Variants in TBX18 observed in about 807,000 individuals in gnomAD.
The protein encoded by TBX18 is T-box transcription factor TBX18.
A neutral mutation model predicts 55.0 loss-of-function variants in TBX18; 21 were observed. That is an observed-to-expected ratio of 0.38 (90% CI 0.27 to 0.55). The LOEUF (loss-of-function observed/expected upper bound fraction) is 0.55, where lower values mean the gene tolerates loss of function less well. TBX18 is among the 20% of genes least tolerant of loss of function. TBX18 has a pLI of 0.73. For missense variants in TBX18, 840 were observed against 799.6 expected (o/e 1.05, Z -0.61); for synonymous variants, 342 against 326.1 (o/e 1.05, Z -0.53).
At chr6:84,755,050 C>T (rs1358597667) in intron 4 of TBX18, among the ~76,000 whole-genome samples, 1 of 152,074 alleles carries the variant, frequency 6.6e-6, no homozygotes, top group Non-Finnish European at 1.5e-5. Context: ...CACACGCACA[C>T]ACACAAACAC....
chr6:84,751,670 C>G (rs1767353640), intron 4 of TBX18, among the ~76,000 whole-genome samples: 1 of 152,148 alleles, frequency 6.6e-6, no homozygotes. Flanking sequence ...ATATGGAGTT[C>G]TCAAGTCACC....
chr6:84,761,716 T>C (rs1038071518), intron 2 of TBX18, among the ~76,000 whole-genome samples: 15 of 152,176 alleles, frequency 9.9e-5, no homozygotes, highest in Admixed American at 9.2e-4. Context: ...ATGCAAATAT[T>C]CATGTGCCTA....
At position 84,734,523 on chromosome 6, in the gene TBX18, T is replaced by C. The variant is rs1484177044; in HGVS notation, c.*2162A>G. 6.6e-6 allele frequency: 1 copy of C among 152,632 alleles called. No individual in the cohort carries two copies. Among genetic ancestry groups the C allele is most frequent in the Non-Finnish European group, 1.5e-5 (1 of 68,040 alleles). The allele number at this position is 152,632 out of a possible 1,614,324, so 9.5% of individuals were successfully genotyped here. A position where few individuals can be genotyped will look rare whatever the true frequency, so the allele number is the denominator to read the frequency against. On this transcript the variant is annotated 3_prime_UTR_variant, in exon 8 of 8. Transcript: ENST00000369663. ...TATAATTATCAATGTATGCATGTCA[T>C]TTAATTCAGCAATAAAAGGCTAGTC...
intron 4 of TBX18, among the ~76,000 whole-genome samples, chr6:84,749,100 T>C (rs1210711802): frequency 1.4e-5 from 2 of 146,148 alleles, no homozygotes; most frequent in Non-Finnish European, 3.1e-5. Context: ...AATTTTGTCT[T>C]CTTCTTTGTA....
Position 84,737,309 on chromosome 6 carries a change from G to A in TBX18, c.1200C>T (p.Phe400=). 6.2e-7 allele frequency: 1 copy of A among 1,603,834 alleles called. No homozygotes were observed. The highest frequency in any genetic ancestry group is 2.2e-5 in the East Asian group (1 of 44,810). ...LSGSSCSSPA[F]HLGPNTSQLC... is the part of the protein sequence containing the mutation. ...GCTGGCTGGTGTTGGGCCCCAGATG[G>A]AAGGCAGGAGAGGAGCAAGAGGAGC... The change falls in exon 8 of 8, where the codon TTC becomes TTT. Residue 400 remains phenylalanine, a synonymous_variant. Transcript: ENST00000369663.
In TBX18 at chr6:84,764,103, C is replaced by A; in HGVS notation, c.79G>T (p.Gly27Cys). 6.3e-7 allele frequency: 1 copy of A among 1,586,216 alleles called. No homozygotes were observed. Among genetic ancestry groups the A allele is most frequent in the South Asian group, 1.1e-5 (1 of 88,262 alleles). ...AHAFSVEALI[G>C]AEKQQQLQKK... Reference sequence around the variant, plus strand: ...TGAAGCTGTTGCTGCTTCTCGGCGCCGATCAGCGCCTCCACCGAGAAAGCG... The same window carrying A: ...TGAAGCTGTTGCTGCTTCTCGGCGCAGATCAGCGCCTCCACCGAGAAAGCG... The change falls in exon 1 of 8, where the codon GGC becomes TGC. Residue 27 changes from glycine (G) to cysteine (C), a missense_variant. Transcript: ENST00000369663.
Position 84,762,691 on chromosome 6 carries a change from G to A in TBX18, c.350C>T (p.Ser117Phe). The change falls in exon 2 of 8, where the codon TCC becomes TTC. Residue 117 changes from serine (S) to phenylalanine (F), a missense_variant. Coordinates refer to ENST00000369663, the MANE Select transcript of TBX18 (RefSeq NM_001080508.3). ...GASPLASPGG[S>F]PKGSPARSLA... is the part of the protein sequence containing the mutation. Reference sequence around the variant, plus strand: ...GGAGCGCGCCGGAGACCCCTTGGGGGAGCCTCCCGGTGACGCCAGAGGGGA... The same window carrying A: ...GGAGCGCGCCGGAGACCCCTTGGGGAAGCCTCCCGGTGACGCCAGAGGGGA... 1 of 1,611,020 alleles carries A rather than the reference G, an allele frequency of 6.2e-7. No individual in the cohort carries two copies. The highest frequency in any genetic ancestry group is 1.3e-5 in the African/African-American group (1 of 74,968).
chr6:84,754,194 C>G (rs1194083206), intron 4 of TBX18, among the ~76,000 whole-genome samples: 2 of 152,208 alleles, frequency 1.3e-5, no homozygotes, highest in African/African-American at 4.8e-5. Context: ...TCCCAAAGTG[C>G]TGGGATTACA....
rs769202556 is a variant in TBX18, at chr6:84,737,138, A to G, written c.1371T>C (p.Tyr457=). 6.2e-7 allele frequency: 1 copy of G among 1,614,194 alleles called. No individual in the cohort carries two copies. The highest frequency in any genetic ancestry group is 1.1e-5 in the South Asian group (1 of 91,092). Residue 457 remains tyrosine, a synonymous_variant, in exon 8 of 8, where the codon TAT becomes TAC. Transcript: ENST00000369663. ...ETFAPPRTPS[Y]VGVSSSTSVN... is the part of the protein sequence containing the mutation. ...CGGAGGTGCTGCTGCTCACGCCCAC[A>G]TAGGAGGGAGTCCTGGGCGGGGCAA...
In TBX18 at chr6:84,762,732, G is replaced by T; in HGVS notation, c.309C>A (p.Gly103=). Residue 103 remains glycine, a synonymous_variant, in exon 2 of 8, where the codon GGC becomes GGA. Coordinates refer to ENST00000369663, the MANE Select transcript of TBX18 (RefSeq NM_001080508.3). ...CCAGAGGGGAAGCTCCCTGCTGGAA[G>T]CCGTCCTCACAGCCGCCTGGACAGC... ...ERGAAGGCED[G]FQQGASPLAS... 1 of 1,605,272 alleles carries T rather than the reference G, an allele frequency of 6.2e-7. No homozygotes were observed. Among genetic ancestry groups the T allele is most frequent in the East Asian group, 2.2e-5 (1 of 44,584 alleles).
intron 3 of TBX18, among the ~76,000 whole-genome samples, chr6:84,757,175 T>C (rs777609521): frequency 6.6e-6 from 1 of 152,214 alleles, no homozygotes; most frequent in Admixed American, 6.5e-5. Context: ...CCATCTCTGA[T>C]ATTTTCCACT....
In TBX18 at chr6:84,736,801, G is replaced by A. The variant is rs764187973; in HGVS notation, c.1708C>T (p.Pro570Ser). The A allele has an allele frequency of 3.1e-6, 5 of 1,614,092 alleles. No homozygotes were observed. The Admixed American group carries it at 8.3e-5, about 27-fold the overall frequency. Residue 570 changes from proline (P) to serine (S), a missense_variant, in exon 8 of 8, where the codon CCC (proline) becomes TCC (serine). Transcript: ENST00000369663. ...AGCAGGTGCACTCCTTCCACAGGGG[G>A]CAACATCTGCCGATCCGTCATGGTC... ...SGTMTDRQMLPPVEGVHLLSS... is the reference protein window; with the variant it reads ...SGTMTDRQMLSPVEGVHLLSS...
chr6:84,744,317 G>T lies in TBX18; in HGVS notation c.948C>A (p.Arg316=), dbSNP rs1463892062. ...CAAATGGATTCCTATCTATCTTCAG[G>T]CGAGTAATCTGCAGAGTAGGAAAAA... The part of the protein sequence containing the change: ...VTAYQNQQIT[R]LKIDRNPFAK... The change falls in exon 6 of 8, where the codon CGC becomes CGA. Residue 316 remains arginine (R), a synonymous_variant. Transcript: ENST00000369663. The T allele has an allele frequency of 6.2e-7, 1 of 1,612,382 alleles. No individual in the cohort carries two copies. The highest frequency in any genetic ancestry group is 1.7e-5 in the Admixed American group (1 of 59,900).
intron 4 of TBX18, among the ~76,000 whole-genome samples, chr6:84,752,774 A>G (rs1282768332): frequency 1.3e-5 from 2 of 152,172 alleles, no homozygotes; most frequent in Non-Finnish European, 2.9e-5. Context: ...TGAAGGCATC[A>G]GTATCACTGA....
chr6:84,754,129 T>C (rs1767424476), intron 4 of TBX18, among the ~76,000 whole-genome samples: 1 of 152,142 alleles, frequency 6.6e-6, no homozygotes, highest in Admixed American at 6.5e-5. Flanking sequence ...GGTTTCATCA[T>C]GTTGGCCAGG....
intron 5 of TBX18, among the ~76,000 whole-genome samples, chr6:84,746,358 T>C (rs1004550790): frequency 1.3e-5 from 2 of 148,576 alleles, no homozygotes; most frequent in Non-Finnish European, 3.0e-5. Context: ...CTGTCCCTAA[T>C]ATATTTTAAT....
At chr6:84,753,948 AGC>A (rs1178880567) in intron 4 of TBX18, among the ~76,000 whole-genome samples, 1 of 152,044 alleles carries the variant, frequency 6.6e-6, no homozygotes, top group Non-Finnish European at 1.5e-5. Flanking sequence ...TATTTTTTGA[AGC>A]AGAGTCTCAC....
rs1213673603 is a variant in TBX18 at position 84,735,019 on chromosome 6, A to G, written c.*1666T>C. The stretch of plus-strand genomic sequence containing the variant: ...ACATCCTGTGCAAATTCAACAGTAT[A>G]TCTCCCTAAGTATCTAACAAATTGT... On this transcript the variant is annotated 3_prime_UTR_variant, in exon 8 of 8. Coordinates refer to ENST00000369663, the MANE Select transcript of TBX18 (RefSeq NM_001080508.3). The G allele has an allele frequency of 2.0e-5, 3 of 152,242 alleles. No individual in the cohort carries two copies. The highest frequency in any genetic ancestry group is 4.4e-5 in the Non-Finnish European group (3 of 68,036). The allele number at this position is 152,242 out of a possible 1,614,324, so 9.4% of individuals were successfully genotyped here. A position where few individuals can be genotyped will look rare whatever the true frequency, so the allele number is the denominator to read the frequency against.
Position 84,764,299 on chromosome 6 carries a change from C to A in TBX18, c.-118G>T. On this transcript the variant is annotated 5_prime_UTR_variant, in exon 1 of 8. Coordinates refer to ENST00000369663, the MANE Select transcript of TBX18 (RefSeq NM_001080508.3). ...CTCTCGGGGCCTCCCGAGATCTGCC[C>A]CCTTCCCCACCGCGGGCAAAAAACA... 1.6e-6 allele frequency: 2 copies of A among 1,278,916 alleles called. No homozygotes were observed. The highest frequency in any genetic ancestry group is 1.0e-6 in the Non-Finnish European group (1 of 991,556). The allele number at this position is 1,278,916 out of a possible 1,614,324, so 79.2% of individuals were successfully genotyped here. A position where few individuals can be genotyped will look rare whatever the true frequency, so the allele number is the denominator to read the frequency against.
Sources: allele counts gnomAD v4.1 joint callset (sites outside exome capture counted in the v4.1 genomes callset), GRCh38; gene constraint gnomAD v4.1.1; transcripts MANE v1.5; gene names NCBI Gene and HGNC (gene_info 2026-07-23, HGNC 2026-07-21).